PARD3: variants seen among roughly 807,000 people sequenced by gnomAD.
PARD3 encodes partitioning defective 3 homolog.
A neutral mutation model predicts 155.4 loss-of-function variants in PARD3; 75 were observed. That is an observed-to-expected ratio of 0.48 (90% CI 0.40 to 0.58). The LOEUF (loss-of-function observed/expected upper bound fraction) is 0.58, where lower values mean the gene tolerates loss of function less well. PARD3 is among the 20% of genes least tolerant of loss of function. PARD3 has a pLI of 0.00. For synonymous variants in PARD3, 576 were observed against 610.5 expected, an observed-to-expected ratio of 0.94 and a Z score of 0.83; for missense variants, 1,642 against 1,721.7, an observed-to-expected ratio of 0.95 and a Z score of 0.82.
At chr10:34,128,275 C>T (rs541871912) in intron 23 of PARD3, among the ~76,000 whole-genome samples, 5 of 152,284 alleles carry the variant, frequency 3.3e-5, no homozygotes, top group African/African-American at 1.2e-4. Flanking sequence ...CACTCTGAGA[C>T]AAGACTTACT....
At chr10:34,177,675 G>A (rs1213011075) in intron 22 of PARD3, among the ~76,000 whole-genome samples, 2 of 152,148 alleles carry the variant, frequency 1.3e-5, no homozygotes, top group Non-Finnish European at 2.9e-5. Flanking sequence ...GGGCTGCCTC[G>A]TTTTAGTAGA....
rs569136267 is a variant in PARD3, at chr10:34,159,871, A to C, written c.3420-28288T>G. Reference sequence around the variant, plus strand: ...CTAGGAAACAGTGCTGGAATTAAACAGAGTGCATACTTTTCATCCCTGCAT... The same window carrying C: ...CTAGGAAACAGTGCTGGAATTAAACCGAGTGCATACTTTTCATCCCTGCAT... On this transcript the variant is annotated intron_variant, in intron 22 of 24. Coordinates refer to ENST00000374788, the MANE Select transcript of PARD3 (RefSeq NM_001184785.2). Among the ~76,000 whole-genome samples the C allele has an allele frequency of 3.3e-5, 5 of 152,350 alleles. No homozygotes were observed. In the South Asian group the frequency reaches 1.0e-3, roughly 32 times the overall value.
At chr10:34,428,054 C>A (rs759190953) in intron 5 of PARD3, among the ~76,000 whole-genome samples, 3 of 152,096 alleles carry the variant, frequency 2.0e-5, no homozygotes, top group Non-Finnish European at 2.9e-5. Flanking sequence ...TCCCAAAAAA[C>A]GACATCATCC....
intron 1 of PARD3, among the ~76,000 whole-genome samples, chr10:34,699,472 G>A (rs1051184497): frequency 5.9e-5 from 9 of 152,194 alleles, no homozygotes; most frequent in Non-Finnish European, 1.5e-5. Context: ...TTAACTGGCA[G>A]CTTTCATACC....
At chr10:34,573,365 G>A (rs560572591) in intron 2 of PARD3, among the ~76,000 whole-genome samples, 6 of 151,738 alleles carry the variant, frequency 4.0e-5, no homozygotes, top group South Asian at 4.2e-4. Flanking sequence ...CTTAAAAATA[G>A]GTAAGAATTT....
intron 3 of PARD3, among the ~76,000 whole-genome samples, chr10:34,478,102 G>C (rs1339714680): frequency 6.6e-6 from 1 of 152,156 alleles, no homozygotes. Context: ...GCTTTGAAAA[G>C]CAACAAATGA....
At chr10:34,526,123 A>G (rs2082464973) in intron 2 of PARD3, among the ~76,000 whole-genome samples, 1 of 151,610 alleles carries the variant, frequency 6.6e-6, no homozygotes. Flanking sequence ...ACCATGTAGG[A>G]AATAGATAGG....
intron 15 of PARD3, among the ~76,000 whole-genome samples, chr10:34,347,574 C>T (rs1244245035): frequency 2.0e-5 from 3 of 152,330 alleles, no homozygotes; most frequent in East Asian, 3.9e-4. Context: ...CCAGGCAGTG[C>T]CACTGTGAAT....
At chr10:34,446,328 G>A (rs1350341298) in intron 5 of PARD3, among the ~76,000 whole-genome samples, 2 of 152,100 alleles carry the variant, frequency 1.3e-5, no homozygotes, top group African/African-American at 4.8e-5. Context: ...ATTCCAGGTT[G>A]TCTGTTACCT....
chr10:34,615,537 A>C (rs1564419673), intron 2 of PARD3, among the ~76,000 whole-genome samples: 1 of 152,208 alleles, frequency 6.6e-6, no homozygotes, highest in African/African-American at 2.4e-5. Context: ...AGGCTTCCCG[A>C]CATTGGTCTG....
chr10:34,454,357 T>C (rs1352235001), intron 4 of PARD3, among the ~76,000 whole-genome samples: 1 of 152,068 alleles, frequency 6.6e-6, no homozygotes, highest in African/African-American at 2.4e-5. Flanking sequence ...ACAACACAAT[T>C]TATACTAGAT....
At chr10:34,268,478 A>G (rs1955446942) in intron 22 of PARD3, among the ~76,000 whole-genome samples, 1 of 77,170 alleles carries the variant, frequency 1.3e-5, no homozygotes, top group Non-Finnish European at 2.4e-5. Context: ...ACACATGCAC[A>G]CTATGTTTAT....
At chr10:34,715,307 G>T (rs938327211) in intron 1 of PARD3, among the ~76,000 whole-genome samples, 2 of 151,922 alleles carry the variant, frequency 1.3e-5, no homozygotes, top group African/African-American at 4.8e-5. Context: ...CCAACTCCTG[G>T]ACTCAAGTGA....
intron 2 of PARD3, among the ~76,000 whole-genome samples, chr10:34,559,925 T>C (rs7914648): frequency 0.055 from 8,367 of 152,198 alleles, 678 homozygotes; most frequent in African/African-American, 0.18. Context: ...GTTCACATTA[T>C]ATAGGGCATT....
chr10:34,519,370 T>A (rs1032508219), intron 2 of PARD3, among the ~76,000 whole-genome samples: 3 of 152,226 alleles, frequency 2.0e-5, no homozygotes, highest in African/African-American at 7.2e-5. Context: ...ACTCTGTAAC[T>A]ATTATTCCAA....
At chr10:34,233,058 C>A (rs1953021866) in intron 22 of PARD3, among the ~76,000 whole-genome samples, 1 of 133,268 alleles carries the variant, frequency 7.5e-6, no homozygotes, top group African/African-American at 2.9e-5. Context: ...CCAAGTAGGC[C>A]CTGAACTGAG....
Position 34,309,548 on chromosome 10 carries a change from C to CAAAAAA in PARD3, c.3065+7553_3065+7558dup, listed in dbSNP as rs1173904388. Among the ~76,000 whole-genome samples the CAAAAAA allele has an allele frequency of 2.6e-3, 164 of 64,028 alleles. 11 individuals are homozygous for CAAAAAA. The highest frequency in any genetic ancestry group is 5.3e-3 in the Admixed American group (22 of 4,158). The allele number at this position is 64,028 out of a possible 152,430, so 42.0% of individuals were successfully genotyped here. The stretch of plus-strand genomic sequence containing the variant: ...CTCCTGCTGAGCAAGACCCTGTCTC[C>CAAAAAA]AAAAAAAAAAAAAAAAAAAAAAAAA... On this transcript the variant is annotated intron_variant, in intron 20 of 24. Coordinates refer to ENST00000374788, the MANE Select transcript of PARD3 (RefSeq NM_001184785.2).
intron 15 of PARD3, among the ~76,000 whole-genome samples, chr10:34,342,756 A>G (rs1360738773): frequency 2.6e-5 from 4 of 152,204 alleles, no homozygotes; most frequent in Non-Finnish European, 5.9e-5. Flanking sequence ...AAATTGCTAC[A>G]TCTTTTCAGG....
At chr10:34,700,903 A>T (rs993105326) in intron 1 of PARD3, among the ~76,000 whole-genome samples, 5 of 152,134 alleles carry the variant, frequency 3.3e-5, no homozygotes, top group African/African-American at 7.2e-5. Flanking sequence ...TGAACCTGGG[A>T]GGCGGAGGTT....
Sources: allele counts gnomAD v4.1 joint callset (sites outside exome capture counted in the v4.1 genomes callset), GRCh38; gene constraint gnomAD v4.1.1; transcripts MANE v1.5; gene names NCBI Gene and HGNC (gene_info 2026-07-23, HGNC 2026-07-21).